Variants in MANBA observed in about 807,000 individuals in gnomAD.
MANBA encodes beta-mannosidase.
Under a neutral mutation model 111.1 loss-of-function variants are expected in MANBA, and 83 were observed. The observed-to-expected ratio is 0.75, with a 90% CI of 0.63 to 0.90. MANBA has a LOEUF of 0.90. Among genes scored for constraint, MANBA ranks in the 40% least tolerant of loss-of-function variants. MANBA has a pLI of 0.00. For missense variants in MANBA, 1,036 were observed against 1,069.0 expected, an observed-to-expected ratio of 0.97 and a Z score of 0.43; for synonymous variants, 370 against 378.7, an observed-to-expected ratio of 0.98 and a Z score of 0.27.
chr4:102,657,641 T>A lies in MANBA; in HGVS notation c.1704+41A>T, dbSNP rs745875626. ...GATCAGAATAAACACATGCCCACAG[T>A]CTATCATTCTGAAACATTAGAAAAT... On this transcript the variant is annotated intron_variant, in intron 12 of 16. Transcript: ENST00000647097. The A allele has an allele frequency of 2.1e-6, 3 of 1,455,720 alleles. No individual in the cohort carries two copies. The Admixed American group carries it at 5.0e-5, about 24-fold the overall frequency. 90.2% of individuals were successfully genotyped at this position (1,455,720 alleles called of 1,614,324 possible).
intron 5 of MANBA, among the ~76,000 whole-genome samples, chr4:102,703,568 A>G (rs1189487644): frequency 6.6e-6 from 1 of 152,166 alleles, no homozygotes; most frequent in Non-Finnish European, 1.5e-5. Context: ...GCTCCTGGGG[A>G]TAACATCACT....
intron 1 of MANBA, among the ~76,000 whole-genome samples, chr4:102,745,777 C>T (rs534861461): frequency 3.3e-5 from 5 of 152,286 alleles, no homozygotes; most frequent in African/African-American, 7.2e-5. Flanking sequence ...ATATTCCTTC[C>T]GCCATTATCT....
At chr4:102,673,675 G>A (rs1731596382) in intron 8 of MANBA, among the ~76,000 whole-genome samples, 1 of 152,052 alleles carries the variant, frequency 6.6e-6, no homozygotes, top group Admixed American at 6.6e-5. Flanking sequence ...ACATATAATA[G>A]TTTTCTAAAA....
intron 1 of MANBA, among the ~76,000 whole-genome samples, chr4:102,733,292 C>A (rs920795836): frequency 1.3e-5 from 2 of 151,726 alleles, no homozygotes; most frequent in Non-Finnish European, 2.9e-5. Context: ...ACAAACAGGG[C>A]AGTTTTTCCT....
At chr4:102,640,753 G>A (rs1373864895) in intron 13 of MANBA, among the ~76,000 whole-genome samples, 3 of 152,112 alleles carry the variant, frequency 2.0e-5, no homozygotes, top group Non-Finnish European at 4.4e-5. Context: ...AAGTCGAGAC[G>A]CTTTCCCATA....
At chr4:102,734,535 G>A (rs1723140369) in intron 1 of MANBA, 3 of 1,608,430 alleles carry the variant, frequency 1.9e-6, no homozygotes, top group Non-Finnish European at 2.6e-6. Context: ...GCTCAGAAGT[G>A]CTGAGGTGAC....
intron 4 of MANBA, among the ~76,000 whole-genome samples, chr4:102,718,563 T>A (rs982479790): frequency 7.9e-5 from 12 of 151,832 alleles, no homozygotes; most frequent in Non-Finnish European, 1.5e-5. Context: ...CAAACACTGG[T>A]AAGAGGGTAG....
intron 5 of MANBA, among the ~76,000 whole-genome samples, chr4:102,696,613 T>C (rs1176363418): frequency 1.3e-5 from 2 of 152,130 alleles, no homozygotes; most frequent in Non-Finnish European, 2.9e-5. Context: ...CAGGGCACAT[T>C]CAAGTCAGCA....
Position 102,690,590 on chromosome 4 carries a change from A to G in MANBA, c.849+6T>C, listed in dbSNP as rs1199648587. Reference sequence around the variant, plus strand: ...CCAGTGCTTCTCAGGAAGTACCATCATTTACCTTGCTAATGTTCACAAATA... The same window carrying G: ...CCAGTGCTTCTCAGGAAGTACCATCGTTTACCTTGCTAATGTTCACAAATA... On this transcript the variant is annotated splice_donor_region_variant and intron_variant, in intron 6 of 16. Transcript: ENST00000647097. 2 of 1,608,742 alleles carry G rather than the reference A, an allele frequency of 1.2e-6. No individual in the cohort carries two copies. The highest frequency in any genetic ancestry group is 1.3e-5 in the African/African-American group (1 of 74,660).
At chr4:102,731,417 C>T (rs567384825) in intron 1 of MANBA, among the ~76,000 whole-genome samples, 19 of 152,292 alleles carry the variant, frequency 1.2e-4, no homozygotes, top group African/African-American at 4.6e-4. Flanking sequence ...TTAGCATTTC[C>T]AGTTATTTTT....
chr4:102,681,601 T>C (rs372526922), intron 7 of MANBA: 1 of 152,210 alleles, frequency 6.6e-6, no homozygotes, highest in East Asian at 1.9e-4. Context: ...ATTTAAAGCA[T>C]AAAAATAACT....
intron 12 of MANBA, among the ~76,000 whole-genome samples, chr4:102,653,828 A>C (rs547182030): frequency 1.8e-4 from 28 of 152,346 alleles, no homozygotes; most frequent in African/African-American, 6.5e-4. Flanking sequence ...AATTTCTAAC[A>C]CTAATCTTTC....
At chr4:102,749,497 T>C (rs1723708617) in intron 1 of MANBA, among the ~76,000 whole-genome samples, 1 of 152,266 alleles carries the variant, frequency 6.6e-6, no homozygotes, top group African/African-American at 2.4e-5. Context: ...AACAAAAGTA[T>C]ATTGTACTCA....
intron 1 of MANBA, chr4:102,730,487 A>G: frequency 1.9e-6 from 1 of 523,568 alleles, no homozygotes; most frequent in South Asian, 1.5e-5. Context: ...TTCCTGGGGC[A>G]GCTCGTCCCT....
intron 1 of MANBA, chr4:102,728,465 T>A (rs759829780): frequency 5.2e-4 from 208 of 402,698 alleles, no homozygotes; most frequent in Non-Finnish European, 9.1e-4. Flanking sequence ...TTTGTATGGT[T>A]TTTCGGAATA....
chr4:102,661,810 T>C (rs1730970550), intron 11 of MANBA, among the ~76,000 whole-genome samples: 1 of 152,090 alleles, frequency 6.6e-6, no homozygotes, highest in Non-Finnish European at 1.5e-5. Flanking sequence ...AACCCTTAGT[T>C]GGACCAGGAA....
chr4:102,713,427 T>C (rs1475751802), intron 5 of MANBA, among the ~76,000 whole-genome samples: 1 of 152,182 alleles, frequency 6.6e-6, no homozygotes, highest in Non-Finnish European at 1.5e-5. Flanking sequence ...CATGAAGGGA[T>C]CAGTGTACCT....
intron 9 of MANBA, among the ~76,000 whole-genome samples, chr4:102,670,344 T>C (rs1251192019): frequency 1.3e-5 from 2 of 152,088 alleles, no homozygotes; most frequent in African/African-American, 4.8e-5. Context: ...AGATAAAATA[T>C]GTAGAGCACT....
At chr4:102,642,500 G>A (rs1224351229) in intron 13 of MANBA, among the ~76,000 whole-genome samples, 1 of 152,120 alleles carries the variant, frequency 6.6e-6, no homozygotes, top group African/African-American at 2.4e-5. Flanking sequence ...CCAGCTACTC[G>A]GGAAGCTGAG....
Sources: allele counts gnomAD v4.1 joint callset (sites outside exome capture counted in the v4.1 genomes callset), GRCh38; gene constraint gnomAD v4.1.1; transcripts MANE v1.5; gene names NCBI Gene and HGNC (gene_info 2026-07-23, HGNC 2026-07-21).